Variants in TMX3 observed in about 807,000 individuals in gnomAD.
TMX3 encodes thioredoxin related transmembrane protein 3.
In TMX3, 40 loss-of-function variants were observed where a neutral mutation model predicts 64.4. The observed-to-expected ratio is 0.62, with a 90% confidence interval of 0.48 to 0.81. TMX3 has a LOEUF of 0.81. Ranked by LOEUF, TMX3 falls within the 30% of genes least tolerant of loss-of-function variation. The pLI, the probability that TMX3 is intolerant of heterozygous loss-of-function variation, is 0.00. For synonymous variants in TMX3, 189 were observed against 175.7 expected, an observed-to-expected ratio of 1.08 and a Z score of -0.60; for missense variants, 497 against 534.5, an observed-to-expected ratio of 0.93 and a Z score of 0.69.
At chr18:68,687,817 G>T (rs752655422) in intron 9 of TMX3, 52 bp from the exon 10 acceptor site, 8 of 1,388,942 alleles carry the variant, frequency 5.8e-6, no homozygotes, top group Non-Finnish European at 8.0e-6. Flanking sequence ...GAATTTAAGA[G>T]TTATAATAGC....
Position 68,713,915 on chromosome 18 carries a change from C to A in TMX3, c.47-15G>T. On this transcript the variant is annotated splice_polypyrimidine_tract_variant and intron_variant, in intron 1 of 15. Transcript: ENST00000299608. ...AAGTACAACAACTGAAAAAAAAAGA[C>A]AAAATGTACACAATAAATGCTGATT... 1 of 1,541,234 alleles carries A rather than the reference C, an allele frequency of 6.5e-7. No homozygotes were observed. Among genetic ancestry groups the A allele is most frequent in the South Asian group, 1.2e-5 (1 of 85,278 alleles).
At position 68,711,405 on chromosome 18, in the gene TMX3, TA is replaced by T; in HGVS notation, c.102-3del. The T allele has an allele frequency of 6.3e-7, 1 of 1,584,464 alleles. No individual in the cohort carries two copies. The highest frequency in any genetic ancestry group is 8.6e-7 in the Non-Finnish European group (1 of 1,160,314). On this transcript the variant is annotated splice_region_variant and splice_polypyrimidine_tract_variant and intron_variant, in intron 2 of 15. Transcript: ENST00000299608. ...TCATCATTTCGATTTTCTTTAAACC[TA>T]AAAAACAAGAAAACAAATGTTTGAT...
At chr18:68,709,149 A>T (rs1190097631) in intron 4 of TMX3, among the ~76,000 whole-genome samples, 1 of 152,164 alleles carries the variant, frequency 6.6e-6, no homozygotes, top group Non-Finnish European at 1.5e-5. Context: ...TTAAGTATTT[A>T]TCAATATGGA....
chr18:68,681,624 A>C, intron 13 of TMX3: 1 of 985,436 alleles, frequency 1.0e-6, no homozygotes, highest in Non-Finnish European at 1.2e-6. Flanking sequence ...ATGTTACTTC[A>C]GATTTGTTAA....
intron 5 of TMX3, among the ~76,000 whole-genome samples, chr18:68,701,265 C>T (rs776819139): frequency 9.9e-5 from 15 of 152,072 alleles, no homozygotes; most frequent in Non-Finnish European, 1.9e-4. Context: ...AACAATTCCA[C>T]AGCTCCCCAC....
intron 4 of TMX3, 65 bp from the exon 5 acceptor site, chr18:68,701,855 G>A (rs1257334269): frequency 1.5e-6 from 2 of 1,342,732 alleles, no homozygotes; most frequent in East Asian, 4.7e-5. Flanking sequence ...GGTAACAAAT[G>A]AGGCTTTTAC....
At position 68,674,329 on chromosome 18, in the gene TMX3, G is replaced by A. The variant is rs971196309; in HGVS notation, c.*2604C>T. On this transcript the variant is annotated 3_prime_UTR_variant, in exon 16 of 16. Coordinates refer to ENST00000299608, the MANE Select transcript of TMX3 (RefSeq NM_019022.5). The stretch of plus-strand genomic sequence containing the variant: ...TGCCAGATATAATGTGGTGCACAGG[G>A]TACTCGATAAAAACATGCACTTTGT... The A allele has an allele frequency of 6.6e-6, 1 of 152,072 alleles. No homozygotes were observed. The highest frequency in any genetic ancestry group is 2.4e-5 in the African/African-American group (1 of 41,412). 9.4% of individuals were successfully genotyped at this position (152,072 alleles called of 1,614,324 possible).
chr18:68,694,820 C>T (rs936465366), intron 8 of TMX3, among the ~76,000 whole-genome samples: 1 of 152,168 alleles, frequency 6.6e-6, no homozygotes, highest in Admixed American at 6.5e-5. Flanking sequence ...TAAACATCTA[C>T]ATACATATTG....
At position 68,676,956 on chromosome 18, in the gene TMX3, C is replaced by T. The variant is rs762431403; in HGVS notation, c.1342G>A (p.Val448Ile). The stretch of plus-strand genomic sequence containing the variant: ...TCTCAATCTTTCTTCTTTTCTAATA[C>T]ATCCTTGGGCTCCTGCACTGTAGGC... ...VVPTVQEPKD[V>I]LEKKKD Residue 448 changes from valine (V) to isoleucine (I), a missense_variant, in exon 16 of 16, where the codon GTA (valine) becomes ATA (isoleucine). Val to Ile is a conservative substitution (Grantham distance 29, BLOSUM62 3). Around this residue, in one of 3 missense-constraint regions of TMX3, gnomAD observed 94 missense variants for 75.8 expected, o/e 1.24. Transcript: ENST00000299608. The T allele has an allele frequency of 9.3e-6, 15 of 1,612,612 alleles. No homozygotes were observed. The highest frequency in any genetic ancestry group is 1.2e-5 in the Non-Finnish European group (14 of 1,179,530).
intron 4 of TMX3, 89 bp downstream of exon 4, chr18:68,709,929 CAAA>C (rs111306573): frequency 7.9e-7 from 1 of 1,258,096 alleles, no homozygotes; most frequent in Admixed American, 2.9e-5. Context: ...TTTACATGAG[CAAA>C]AAAAAGTCTT....
At chr18:68,685,217 T>C (rs1054096974) in intron 10 of TMX3, among the ~76,000 whole-genome samples, 2 of 152,178 alleles carry the variant, frequency 1.3e-5, no homozygotes, top group East Asian at 1.9e-4. Context: ...AAAACTAATA[T>C]ATATTTCATA....
rs780895526 is a variant in TMX3, at chr18:68,677,057, T to G, written c.1241A>C (p.Lys414Thr). Residue 414 changes from lysine to threonine, a missense_variant, in exon 16 of 16, where the codon AAA (lysine) becomes ACA (threonine). By Grantham distance (78) the Lys-to-Thr change is moderately conservative. Coordinates refer to ENST00000299608, the MANE Select transcript of TMX3 (RefSeq NM_019022.5). The part of the protein sequence containing the change: ...GYIEERYEVS[K>T]SENENQEQIE... ...CTGTTCTTGGTTTTCATTTTCACTT[T>G]TAGACACTTCATATCGTTCTTCTAT... 1 of 1,613,908 alleles carries G rather than the reference T, an allele frequency of 6.2e-7. No individual in the cohort carries two copies. The highest frequency in any genetic ancestry group is 1.7e-5 in the Admixed American group (1 of 59,984).
chr18:68,684,132 A>G, intron 12 of TMX3, 58 bp downstream of exon 12: 2 of 1,312,916 alleles, frequency 1.5e-6, no homozygotes, highest in Admixed American at 4.1e-5. Flanking sequence ...TTGCTTTACT[A>G]AATTACAAAA....
chr18:68,695,841 C>G (rs1350475588), intron 8 of TMX3, among the ~76,000 whole-genome samples: 1 of 152,196 alleles, frequency 6.6e-6, no homozygotes, highest in Non-Finnish European at 1.5e-5. Context: ...ATGTTCTTCA[C>G]CAACTTCAAC....
At position 68,676,189 on chromosome 18, in the gene TMX3, T is replaced by A. The variant is rs906824824; in HGVS notation, c.*744A>T. 1.3e-5 allele frequency: 2 copies of A among 152,116 alleles called. No individual in the cohort carries two copies. Among genetic ancestry groups the A allele is most frequent in the African/African-American group, 4.8e-5 (2 of 41,412 alleles). 9.4% of individuals were successfully genotyped at this position (152,116 alleles called of 1,614,324 possible). ...GCAGAGTAGGATTAACAGAGACCCT[T>A]CCCAACCTACAATGACTGATGAAAT... On this transcript the variant is annotated 3_prime_UTR_variant, in exon 16 of 16. Transcript: ENST00000299608.
intron 4 of TMX3, among the ~76,000 whole-genome samples, chr18:68,708,884 G>A (rs1353958634): frequency 6.6e-6 from 1 of 151,998 alleles, no homozygotes; most frequent in African/African-American, 2.4e-5. Context: ...ACTCTCCTTT[G>A]TAGCTACAGA....
At chr18:68,696,908 G>A (rs35878969) in intron 8 of TMX3, 39,366 of 235,128 alleles carry the variant, frequency 0.17, 5,437 homozygotes, top group African/African-American at 0.44. Context: ...ACATACGCAC[G>A]CAAAATAATC....
At chr18:68,701,714 T>C (rs747802811) in intron 5 of TMX3, 31 bp downstream of exon 5, 1 of 1,610,930 alleles carries the variant, frequency 6.2e-7, no homozygotes, top group Non-Finnish European at 8.5e-7. Context: ...CTAATAAAAA[T>C]ACACATATAA....
rs1236324007 is a variant in TMX3, at chr18:68,698,895, G to A, written c.393-864C>T. On this transcript the variant is annotated intron_variant, in intron 6 of 15. Transcript: ENST00000299608. ...AAATTAGCCGGGCGTGGTAGCGGGCGCCTGTAGTCCCAGCTACTCGGGAGG... is the reference window on the plus strand; with the variant it reads ...AAATTAGCCGGGCGTGGTAGCGGGCACCTGTAGTCCCAGCTACTCGGGAGG... 5.9e-5 allele frequency among the ~76,000 whole-genome samples: 9 copies of A among 151,534 alleles called. No individual in the cohort carries two copies. In the South Asian group the frequency reaches 6.3e-4, roughly 11 times the overall value.
Sources: allele counts gnomAD v4.1 joint callset (sites outside exome capture counted in the v4.1 genomes callset), GRCh38; gene constraint gnomAD v4.1.1; regional missense constraint gnomAD v4.1.1; transcripts MANE v1.5; gene names NCBI Gene and HGNC (gene_info 2026-07-23, HGNC 2026-07-21).